Variants in AFAP1 observed in about 807,000 individuals in gnomAD.
AFAP1 encodes the protein actin filament associated protein 1.
A neutral mutation model predicts 93.9 loss-of-function variants in AFAP1; 75 were observed. That is an observed-to-expected ratio of 0.80 (90% CI 0.66 to 0.97). The LOEUF is 0.97. Ranked by LOEUF, AFAP1 falls within the 50% of genes least tolerant of loss-of-function variation. AFAP1 has a pLI of 0.00. For missense variants in AFAP1, 1,201 were observed against 1,050.8 expected (o/e 1.14, Z -1.98); for synonymous variants, 517 against 430.7 (o/e 1.20, Z -2.48).
intron 6 of AFAP1, among the ~76,000 whole-genome samples, chr4:7,827,554 G>T (rs1721533121): frequency 1.5e-5 from 1 of 65,758 alleles, no homozygotes; most frequent in African/African-American, 5.7e-5. Context: ...ATGAACAAGA[G>T]TGAAACTCTG....
rs374798435 is a variant in AFAP1 at position 7,868,682 on chromosome 4, G to C, written c.165C>G (p.Thr55=). The C allele has an allele frequency of 3.7e-6, 6 of 1,613,450 alleles. No individual in the cohort carries two copies. In the South Asian group the frequency reaches 6.6e-5, roughly 18 times the overall value. ...GAGGAGGGGCTGGCAGGCTGTTAGC[G>C]GTCTCCTGCTTCTGAGCATGGTCCT... is the stretch of plus-strand genomic sequence containing the variant. ...DVKDHAQKQE[T]ANSLPAPPQM... Residue 55 remains threonine (T), a synonymous_variant, in exon 3 of 18, where the codon ACC becomes ACG. Coordinates refer to ENST00000420658, the MANE Select transcript of AFAP1 (RefSeq NM_001134647.2).
chr4:7,897,482 G>A (rs1418572696), intron 1 of AFAP1, among the ~76,000 whole-genome samples: 1 of 151,890 alleles, frequency 6.6e-6, no homozygotes, highest in Non-Finnish European at 1.5e-5. Flanking sequence ...GGAGTCTCTT[G>A]CATTCTGCTT....
rs559209943 is a variant in AFAP1, at chr4:7,867,689, C to G, written c.225+933G>C. Among the ~76,000 whole-genome samples, 11 of 152,336 alleles carry G rather than the reference C, an allele frequency of 7.2e-5. No individual in the cohort carries two copies. The East Asian group carries it at 2.1e-3, about 29-fold the overall frequency. On this transcript the variant is annotated intron_variant, in intron 3 of 17. Transcript: ENST00000420658. ...AAAAATGGGTGTACGTACACTTCCC[C>G]TGATAAGAAGCGTTAGGGGTTCTTT...
At chr4:7,854,634 C>T (rs1018312820) in intron 4 of AFAP1, among the ~76,000 whole-genome samples, 2 of 152,152 alleles carry the variant, frequency 1.3e-5, no homozygotes, top group Non-Finnish European at 2.9e-5. Flanking sequence ...CAGCGAAGGC[C>T]GGAGACCACG....
At position 7,761,180 on chromosome 4, in the gene AFAP1, T is replaced by C. The variant is rs1713735283; in HGVS notation, c.*2585A>G. On this transcript the variant is annotated 3_prime_UTR_variant, in exon 18 of 18. Transcript: ENST00000420658. Reference sequence around the variant, plus strand: ...ACTATATTTATTGAACATATACACATAAATAACTTATTCTGAAGTAAATGC... The same window carrying C: ...ACTATATTTATTGAACATATACACACAAATAACTTATTCTGAAGTAAATGC... The C allele has an allele frequency of 6.6e-6, 1 of 152,246 alleles. No homozygotes were observed. Among genetic ancestry groups the C allele is most frequent in the African/African-American group, 2.4e-5 (1 of 41,454 alleles). The allele number at this position is 152,246 out of a possible 1,614,324, so 9.4% of individuals were successfully genotyped here. A position where few individuals can be genotyped will look rare whatever the true frequency, so the allele number is the denominator to read the frequency against.
In AFAP1 at chr4:7,772,895, G is replaced by T. The variant is rs1214707651; in HGVS notation, c.2178C>A (p.Ser726Arg). The T allele has an allele frequency of 6.2e-7, 1 of 1,614,026 alleles. No individual in the cohort carries two copies. The highest frequency in any genetic ancestry group is 1.3e-5 in the African/African-American group (1 of 74,926). ...LELELTEVKESLKKALAGGVT... is the reference protein window; with the variant it reads ...LELELTEVKERLKKALAGGVT... ...CTCCGCCCGCCAGCGCTTTCTTCAG[G>T]CTCTCCTTGACCTCCGTCAGCTCCA... The change falls in exon 16 of 18, where the codon AGC becomes AGA. Residue 726 changes from serine (S) to arginine (R), a missense_variant. Transcript: ENST00000420658.
intron 1 of AFAP1, among the ~76,000 whole-genome samples, chr4:7,891,743 T>TAAAA (rs778916445): frequency 9.6e-5 from 6 of 62,784 alleles, no homozygotes; most frequent in African/African-American, 1.3e-4. Context: ...ATGGTCTCAT[T>TAAAA]AAAAAAAAAA....
At chr4:7,887,983 C>T (rs979421344) in intron 1 of AFAP1, among the ~76,000 whole-genome samples, 3 of 152,082 alleles carry the variant, frequency 2.0e-5, no homozygotes, top group East Asian at 1.9e-4. Flanking sequence ...CGCGCCACCA[C>T]GCCCGGCTAA....
At chr4:7,829,059 T>G (rs940906388) in intron 6 of AFAP1, among the ~76,000 whole-genome samples, 2 of 152,174 alleles carry the variant, frequency 1.3e-5, no homozygotes, top group Non-Finnish European at 2.9e-5. Context: ...CCTCTTTTGC[T>G]CCGCACTTCT....
chr4:7,899,099 T>A (rs1718969792), intron 1 of AFAP1, among the ~76,000 whole-genome samples: 1 of 151,750 alleles, frequency 6.6e-6, no homozygotes, highest in South Asian at 2.1e-4. Flanking sequence ...GAAAAATACA[T>A]ACCTAAGCAG....
In AFAP1 at chr4:7,772,898, C is replaced by T. The variant is rs947794919; in HGVS notation, c.2175G>A (p.Glu725=). The T allele has an allele frequency of 6.2e-7, 1 of 1,614,190 alleles. No individual in the cohort carries two copies. The highest frequency in any genetic ancestry group is 1.7e-5 in the Admixed American group (1 of 60,032). The change falls in exon 16 of 18, where the codon GAG becomes GAA. Residue 725 remains glutamate (E), a synonymous_variant. Transcript: ENST00000420658. ...SLELELTEVK[E]SLKKALAGGV... is the part of the protein sequence containing the mutation. The stretch of plus-strand genomic sequence containing the variant: ...CGCCCGCCAGCGCTTTCTTCAGGCT[C>T]TCCTTGACCTCCGTCAGCTCCAGCT...
At chr4:7,917,624 G>C (rs1454831731) in intron 1 of AFAP1, among the ~76,000 whole-genome samples, 3 of 152,164 alleles carry the variant, frequency 2.0e-5, no homozygotes, top group South Asian at 2.1e-4. Flanking sequence ...ATCCAGGCCA[G>C]GCTCAGCATG....
intron 1 of AFAP1, among the ~76,000 whole-genome samples, chr4:7,884,223 G>A (rs769362370): frequency 1.2e-4 from 19 of 152,202 alleles, no homozygotes; most frequent in Admixed American, 1.1e-3. Context: ...AGCAAATGTC[G>A]GCACCATGCT....
At chr4:7,800,236 T>C (rs1277786443) in intron 10 of AFAP1, among the ~76,000 whole-genome samples, 1 of 151,520 alleles carries the variant, frequency 6.6e-6, no homozygotes. Flanking sequence ...GGTGCCGTCA[T>C]TGTCGTATCT....
chr4:7,840,655 A>G (rs75820573), intron 5 of AFAP1, among the ~76,000 whole-genome samples: 3,465 of 152,248 alleles, frequency 0.023, 115 homozygotes, highest in African/African-American at 0.069. Context: ...AAGTACACAG[A>G]TAAGAAATAC....
At chr4:7,881,680 G>A (rs1243633073) in intron 1 of AFAP1, among the ~76,000 whole-genome samples, 3 of 152,052 alleles carry the variant, frequency 2.0e-5, no homozygotes, top group African/African-American at 7.2e-5. Context: ...CTACTCAGGA[G>A]ACCAAGGCAG....
At chr4:7,841,002 A>G (rs548952940) in intron 5 of AFAP1, among the ~76,000 whole-genome samples, 10 of 152,376 alleles carry the variant, frequency 6.6e-5, no homozygotes, top group South Asian at 4.1e-4. Flanking sequence ...AGGGAACTTT[A>G]TAACATATTC....
chr4:7,870,882 A>G (rs1447014458), intron 2 of AFAP1, among the ~76,000 whole-genome samples: 2 of 152,220 alleles, frequency 1.3e-5, no homozygotes, highest in African/African-American at 2.4e-5. Context: ...GAATTCATGT[A>G]AAAGTATAAA....
chr4:7,938,794 T>A (rs1261994263), intron 1 of AFAP1, among the ~76,000 whole-genome samples: 1 of 152,080 alleles, frequency 6.6e-6, no homozygotes, highest in Admixed American at 6.5e-5. Context: ...AGTAGGGCCC[T>A]GCTCCCTCCA....
Sources: allele counts gnomAD v4.1 joint callset (sites outside exome capture counted in the v4.1 genomes callset), GRCh38; gene constraint gnomAD v4.1.1; transcripts MANE v1.5; gene names NCBI Gene and HGNC (gene_info 2026-07-23, HGNC 2026-07-21).